MTHFD2L: variants seen among roughly 807,000 people sequenced by gnomAD.
MTHFD2L encodes the protein bifunctional methylenetetrahydrofolate dehydrogenase/cyclohydrolase 2, mitochondrial.
Under a neutral mutation model 34.9 loss-of-function variants are expected in MTHFD2L, and 29 were observed. The observed-to-expected ratio is 0.83, with a 90% CI of 0.62 to 1.13. The LOEUF is 1.13. Ranked by LOEUF, MTHFD2L falls within the 50% of genes most tolerant of loss-of-function variation. MTHFD2L has a pLI of 0.00. For synonymous variants in MTHFD2L, 167 were observed against 155.7 expected, an observed-to-expected ratio of 1.07 and a Z score of -0.54; for missense variants, 481 against 446.5, an observed-to-expected ratio of 1.08 and a Z score of -0.70.
At chr4:74,191,244 GT>G (rs1732429468) in intron 3 of MTHFD2L, among the ~76,000 whole-genome samples, 1 of 151,908 alleles carries the variant, frequency 6.6e-6, no homozygotes, top group Non-Finnish European at 1.5e-5. Flanking sequence ...ACCCCTACTG[GT>G]AATATGGTAG....
intron 3 of MTHFD2L, among the ~76,000 whole-genome samples, chr4:74,198,013 T>G (rs530212): frequency 0.12 from 18,088 of 152,212 alleles, 2,881 homozygotes; most frequent in African/African-American, 0.36. Flanking sequence ...CTCTTTTCCT[T>G]TTAGATTCAG....
intron 7 of MTHFD2L, among the ~76,000 whole-genome samples, chr4:74,286,692 G>A (rs1450900495): frequency 8.5e-5 from 13 of 152,070 alleles, no homozygotes; most frequent in East Asian, 7.7e-4. Flanking sequence ...CATAGCTAAC[G>A]CAAAGACATT....
chr4:74,129,902 A>T (rs1237782257), intron 1 of MTHFD2L, among the ~76,000 whole-genome samples: 1 of 152,200 alleles, frequency 6.6e-6, no homozygotes, highest in Non-Finnish European at 1.5e-5. Context: ...GACCAAGGGG[A>T]TATCACCACT....
chr4:74,276,362 T>G (rs1334554882), intron 6 of MTHFD2L, among the ~76,000 whole-genome samples: 1 of 152,110 alleles, frequency 6.6e-6, no homozygotes. Context: ...GCTTTTAATA[T>G]ATAAGCTATG....
intron 7 of MTHFD2L, 146 bp downstream of exon 7, chr4:74,281,696 A>G: frequency 1.3e-6 from 1 of 785,018 alleles, no homozygotes; most frequent in Non-Finnish European, 1.9e-6. Flanking sequence ...TTTTAATCAG[A>G]CTTAAATATT....
Position 74,225,336 on chromosome 4 carries a change from C to G in MTHFD2L, c.747C>G (p.Thr249=), listed in dbSNP as rs146379578. The part of the protein sequence containing the change: ...DATVTIAHRY[T]PKEQLKIHTQ... The stretch of plus-strand genomic sequence containing the variant: ...CTGTGACAATAGCTCACAGATACAC[C>G]CCCAAAGAGCAACTGAAGATTCATA... Residue 249 remains threonine, a synonymous_variant, in exon 6 of 8, where the codon ACC becomes ACG. Coordinates refer to ENST00000325278, the MANE Select transcript of MTHFD2L (RefSeq NM_001144978.3). The G allele has an allele frequency of 3.3e-4, 530 of 1,612,868 alleles. No individual in the cohort carries two copies. Among genetic ancestry groups the G allele is most frequent in the Non-Finnish European group, 4.0e-4 (474 of 1,179,310 alleles).
chr4:74,118,709 G>A (rs530309196), upstream of MTHFD2L, among the ~76,000 whole-genome samples: 2 of 152,310 alleles, frequency 1.3e-5, no homozygotes, highest in East Asian at 3.9e-4. Context: ...GCCAAGAACT[G>A]ACAGTGGTCC....
At chr4:74,287,102 G>T (rs1348425056) in intron 7 of MTHFD2L, among the ~76,000 whole-genome samples, 2 of 152,076 alleles carry the variant, frequency 1.3e-5, no homozygotes, top group Non-Finnish European at 2.9e-5. Flanking sequence ...GATGAAACTG[G>T]TTTAAATTAC....
In MTHFD2L at chr4:74,159,636, A is replaced by G. The variant is rs1266850198; in HGVS notation, c.143+1355A>G. 2.0e-5 allele frequency among the ~76,000 whole-genome samples: 3 copies of G among 152,154 alleles called. 1 individual carries two copies. Among genetic ancestry groups the G allele is most frequent in the African/African-American group, 7.2e-5 (3 of 41,416 alleles). On this transcript the variant is annotated intron_variant, in intron 1 of 7. Coordinates refer to ENST00000325278, the MANE Select transcript of MTHFD2L (RefSeq NM_001144978.3). ...ATTACAAACAACAGTTACAACCCCA[A>G]AATTTGGTTGTAGCCCCTTGCTTTG...
intron 7 of MTHFD2L, among the ~76,000 whole-genome samples, chr4:74,298,668 A>G (rs913402972): frequency 6.6e-6 from 1 of 152,052 alleles, no homozygotes; most frequent in Non-Finnish European, 1.5e-5. Flanking sequence ...TGTAGTTCAG[A>G]GATGATGAGC....
At chr4:74,206,843 T>G (rs543757442) in intron 5 of MTHFD2L, among the ~76,000 whole-genome samples, 1 of 152,306 alleles carries the variant, frequency 6.6e-6, no homozygotes, top group African/African-American at 2.4e-5. Flanking sequence ...GCATTATGGT[T>G]ACTAACTGTC....
At chr4:74,127,169 G>A (rs550184737) in intron 1 of MTHFD2L, among the ~76,000 whole-genome samples, 3 of 152,246 alleles carry the variant, frequency 2.0e-5, no homozygotes, top group Admixed American at 2.0e-4. Context: ...CAGTTTGGGG[G>A]CAGTTTTTTA....
chr4:74,188,791 G>T lies in MTHFD2L; in HGVS notation c.452-11003G>T, dbSNP rs2367544. Among the ~76,000 whole-genome samples the T allele has an allele frequency of 8.1e-4, 110 of 136,338 alleles. 7 individuals are homozygous for T. The highest frequency in any genetic ancestry group is 1.8e-3 in the East Asian group (8 of 4,558). 89.4% of individuals were successfully genotyped at this position (136,338 alleles called of 152,430 possible). A position where few individuals can be genotyped will look rare whatever the true frequency, so the allele number is the denominator to read the frequency against. On this transcript the variant is annotated intron_variant, in intron 3 of 7. Coordinates refer to ENST00000325278, the MANE Select transcript of MTHFD2L (RefSeq NM_001144978.3). The stretch of plus-strand genomic sequence containing the variant: ...GTGTATACATATGTATATATATATG[G>T]GTATATATATATGTGTATACATATG...
chr4:74,224,152 G>A (rs1488591081), intron 5 of MTHFD2L: 1 of 152,068 alleles, frequency 6.6e-6, no homozygotes, highest in Non-Finnish European at 1.5e-5. Flanking sequence ...CTCTATGTAA[G>A]TGTGTTCCCA....
chr4:74,268,931 G>A (rs918216109), intron 6 of MTHFD2L, among the ~76,000 whole-genome samples: 4 of 151,746 alleles, frequency 2.6e-5, no homozygotes, highest in Admixed American at 1.3e-4. Context: ...ACCTTTATTC[G>A]GTATTTTTTT....
intron 3 of MTHFD2L, among the ~76,000 whole-genome samples, chr4:74,189,423 C>T (rs531381157): frequency 6.7e-6 from 1 of 149,874 alleles, no homozygotes; most frequent in Non-Finnish European, 1.5e-5. Flanking sequence ...GAAGACCACT[C>T]TCTTGCATGT....
At position 74,233,229 on chromosome 4, in the gene MTHFD2L, A is replaced by G. The variant is rs181412736; in HGVS notation, c.805+7835A>G. ...TGTTACCATTACCAATCAGTATACT[A>G]TGAAGCTTTAGATCCTTATCTTTCC... On this transcript the variant is annotated intron_variant, in intron 6 of 7. Coordinates refer to ENST00000325278, the MANE Select transcript of MTHFD2L (RefSeq NM_001144978.3). Among the ~76,000 whole-genome samples the G allele has an allele frequency of 4.6e-5, 7 of 152,258 alleles. No homozygotes were observed. The East Asian group carries it at 9.6e-4, about 21-fold the overall frequency.
chr4:74,250,154 A>T (rs1743095734), intron 6 of MTHFD2L, among the ~76,000 whole-genome samples: 1 of 151,998 alleles, frequency 6.6e-6, no homozygotes, highest in African/African-American at 2.4e-5. Context: ...GTAGTCCCAT[A>T]TTTCTTGGAG....
chr4:74,225,246 T>C (rs1047330165), intron 5 of MTHFD2L, 56 bp from the exon 6 acceptor site: 1 of 1,310,756 alleles, frequency 7.6e-7, no homozygotes, highest in Non-Finnish European at 1.1e-6. Context: ...ATTTAGAGCA[T>C]TTATAAAATT....
Sources: gnomAD v4.1 joint callset for allele counts (sites outside exome capture counted in the v4.1 genomes callset) on GRCh38, gnomAD v4.1.1 for gene constraint, MANE v1.5 for transcripts, NCBI Gene and HGNC (gene_info 2026-07-23, HGNC 2026-07-21) for gene names.